Variants in FARP1 observed in about 807,000 individuals in gnomAD.
FARP1 encodes the protein FERM, ARHGEF and pleckstrin domain-containing protein 1.
Under a neutral mutation model 128.8 loss-of-function variants are expected in FARP1, and 52 were observed. The ratio of observed to expected loss-of-function variants is 0.40; its 90% CI spans 0.32 to 0.51. FARP1 has a LOEUF of 0.51. Among genes scored for constraint, FARP1 ranks in the 20% least tolerant of loss-of-function variants. The pLI is 0.45. For missense variants in FARP1, 1,333 were observed against 1,367.9 expected (o/e 0.97, Z 0.40); for synonymous variants, 580 against 551.8 (o/e 1.05, Z -0.72).
At position 98,453,089 on chromosome 13, in the gene FARP1, G is replaced by C. The variant is rs978833762; in HGVS notation, c.*4772G>C. The C allele has an allele frequency of 2.0e-6, 3 of 1,519,184 alleles. No individual in the cohort carries two copies. The highest frequency in any genetic ancestry group is 2.7e-6 in the Non-Finnish European group (3 of 1,102,992). The allele number at this position is 1,519,184 out of a possible 1,614,324, so 94.1% of individuals were successfully genotyped here. A position where few individuals can be genotyped will look rare whatever the true frequency, so the allele number is the denominator to read the frequency against. Reference sequence around the variant, plus strand: ...GTGGCGCACCTCTTCGGTGGAGTCAGCGAAGGCTCTCGTTGACTTTTAAAA... The same window carrying C: ...GTGGCGCACCTCTTCGGTGGAGTCACCGAAGGCTCTCGTTGACTTTTAAAA... On this transcript the variant is annotated 3_prime_UTR_variant, in exon 27 of 27. Coordinates refer to ENST00000319562, the MANE Select transcript of FARP1 (RefSeq NM_005766.4).
intron 15 of FARP1, 132 bp downstream of exon 15, chr13:98,410,955 G>T: frequency 2.0e-6 from 1 of 491,266 alleles, no homozygotes; most frequent in African/African-American, 1.9e-5. Context: ...TGGTCCTAGG[G>T]TATAGAAATT....
chr13:98,356,257 T>C (rs1888633990), intron 3 of FARP1, among the ~76,000 whole-genome samples: 1 of 152,236 alleles, frequency 6.6e-6, no homozygotes, highest in African/African-American at 2.4e-5. Context: ...AAATGTGTTT[T>C]TAGGCAATTT....
At chr13:98,383,023 A>G (rs1171136569) in intron 6 of FARP1, among the ~76,000 whole-genome samples, 3 of 152,260 alleles carry the variant, frequency 2.0e-5, no homozygotes, top group African/African-American at 7.2e-5. Context: ...AGAAACACAC[A>G]TAAGATACGG....
intron 2 of FARP1, among the ~76,000 whole-genome samples, chr13:98,251,257 T>G (rs1463009575): frequency 6.6e-6 from 1 of 152,212 alleles, no homozygotes; most frequent in Non-Finnish European, 1.5e-5. Flanking sequence ...CCAAGTTCAT[T>G]CAGTTAGACG....
intron 1 of FARP1, among the ~76,000 whole-genome samples, chr13:98,169,788 G>A (rs1210365748): frequency 1.3e-5 from 2 of 152,036 alleles, no homozygotes; most frequent in Non-Finnish European, 2.9e-5. Flanking sequence ...GTACTTCGGT[G>A]TAGATCCTTT....
chr13:98,340,764 G>C (rs752201112), intron 2 of FARP1: 10 of 152,210 alleles, frequency 6.6e-5, no homozygotes, highest in Non-Finnish European at 8.8e-5. Context: ...CTCAAACCCA[G>C]GATTAGGGAC....
chr13:98,294,358 A>AC (rs1885571252), intron 2 of FARP1, among the ~76,000 whole-genome samples: 2 of 152,194 alleles, frequency 1.3e-5, no homozygotes, highest in African/African-American at 4.8e-5. Context: ...GAAGGGTTCA[A>AC]CCATTGATAA....
chr13:98,176,272 T>G lies in FARP1; in HGVS notation c.-24+32780T>G. 6.2e-7 allele frequency: 1 copy of G among 1,611,880 alleles called. No individual in the cohort carries two copies. ...ATGGGGGTCTTCTGTGAAATGGGACTTGCCCCCACCTTCTGCAGCCTGAAG... is the reference window on the plus strand; with the variant it reads ...ATGGGGGTCTTCTGTGAAATGGGACGTGCCCCCACCTTCTGCAGCCTGAAG... On this transcript the variant is annotated intron_variant, in intron 1 of 26. Transcript: ENST00000319562. This position sits in a 1 kb window ranked among gnomAD's most constrained non-coding sequence, Gnocchi z 6.2.
At chr13:98,145,560 C>G (rs200522755) in intron 1 of FARP1, among the ~76,000 whole-genome samples, 2 of 84,856 alleles carry the variant, frequency 2.4e-5, no homozygotes, top group Non-Finnish European at 7.0e-5. Flanking sequence ...GTTTTTGTTT[C>G]ACTTTTCGTT....
chr13:98,241,429 C>G lies in FARP1; in HGVS notation c.171+28016C>G, dbSNP rs1453176705. On this transcript the variant is annotated intron_variant, in intron 2 of 26. Coordinates refer to ENST00000319562, the MANE Select transcript of FARP1 (RefSeq NM_005766.4). ...CTCCACAACAGGCACATGGAAGAGA[C>G]CACCTCTCTGCAGGGTCGTGTCCTG... Among the ~76,000 whole-genome samples, 6 of 152,240 alleles carry G rather than the reference C, an allele frequency of 3.9e-5. No homozygotes were observed. The South Asian group carries it at 8.3e-4, about 21-fold the overall frequency.
chr13:98,249,289 C>A (rs1354267419), intron 2 of FARP1, among the ~76,000 whole-genome samples: 1 of 152,168 alleles, frequency 6.6e-6, no homozygotes, highest in African/African-American at 2.4e-5. Context: ...TTTACTGTTA[C>A]AACTTTGCCT....
intron 1 of FARP1, among the ~76,000 whole-genome samples, chr13:98,202,956 G>C (rs1171358594): frequency 6.6e-6 from 1 of 152,208 alleles, no homozygotes; most frequent in East Asian, 1.9e-4. Flanking sequence ...CTGGCCTCAA[G>C]TGATCCTCCT....
At chr13:98,267,189 C>T (rs1316996162) in intron 2 of FARP1, among the ~76,000 whole-genome samples, 7 of 152,186 alleles carry the variant, frequency 4.6e-5, no homozygotes, top group East Asian at 1.9e-4. Flanking sequence ...GATACACTCA[C>T]ACTCTGACTT....
chr13:98,357,757 T>G (rs1420976856), intron 3 of FARP1, among the ~76,000 whole-genome samples: 6 of 152,212 alleles, frequency 3.9e-5, no homozygotes, highest in Admixed American at 1.3e-4. Context: ...TTTTCCTGCT[T>G]CTTGTACCTG....
At chr13:98,305,236 A>T (rs1330973608) in intron 2 of FARP1, among the ~76,000 whole-genome samples, 1 of 151,920 alleles carries the variant, frequency 6.6e-6, no homozygotes, top group East Asian at 1.9e-4. Context: ...TGATCCTAGT[A>T]CTGGCTGCCA....
chr13:98,435,773 T>C, intron 19 of FARP1, 67 bp downstream of exon 19: 1 of 1,530,686 alleles, frequency 6.5e-7, no homozygotes, highest in Non-Finnish European at 9.0e-7. Context: ...GGGACTTACA[T>C]TTGAACCTTT....
intron 3 of FARP1, among the ~76,000 whole-genome samples, chr13:98,353,184 C>A (rs1888506613): frequency 6.6e-6 from 1 of 151,990 alleles, no homozygotes; most frequent in Non-Finnish European, 1.5e-5. Context: ...TATAAAGATG[C>A]ACCATGTGGC....
At chr13:98,284,642 T>A (rs1273569609) in intron 2 of FARP1, among the ~76,000 whole-genome samples, 1 of 8,786 alleles carries the variant, frequency 1.1e-4, no homozygotes, top group East Asian at 0.015. Context: ...AAATGCCCAG[T>A]CTCAAGTATC....
chr13:98,295,044 A>G lies in FARP1; in HGVS notation c.172-48718A>G, dbSNP rs1263313571. ...GAAAAAAAAAATTATATATATATAT[A>G]TTACACACACACACACACACACACA... On this transcript the variant is annotated intron_variant, in intron 2 of 26. Coordinates refer to ENST00000319562, the MANE Select transcript of FARP1 (RefSeq NM_005766.4). Among the ~76,000 whole-genome samples the G allele has an allele frequency of 2.2e-4, 29 of 133,442 alleles. No homozygotes were observed. In the South Asian group the frequency reaches 5.0e-3, roughly 23 times the overall value. 87.5% of individuals were successfully genotyped at this position (133,442 alleles called of 152,430 possible). A position where few individuals can be genotyped will look rare whatever the true frequency, so the allele number is the denominator to read the frequency against.
Sources: allele counts gnomAD v4.1 joint callset (sites outside exome capture counted in the v4.1 genomes callset), GRCh38; gene constraint gnomAD v4.1.1; non-coding constraint Gnocchi (gnomAD v3.1); transcripts MANE v1.5; gene names NCBI Gene and HGNC (gene_info 2026-07-23, HGNC 2026-07-21).